Variants in PHEX observed in about 807,000 individuals in gnomAD.
The protein encoded by PHEX is phosphate-regulating neutral endopeptidase PHEX.
A neutral mutation model predicts 68.0 loss-of-function variants in PHEX; 16 were observed. The ratio of observed to expected loss-of-function variants is 0.24; its 90% CI spans 0.16 to 0.36. The LOEUF (loss-of-function observed/expected upper bound fraction) is 0.36, where lower values mean the gene tolerates loss of function less well. PHEX is among the 10% of genes least tolerant of loss of function. PHEX has a pLI of 1.00. For missense variants in PHEX, 480 were observed against 575.5 expected (o/e 0.83, Z 1.70); for synonymous variants, 208 against 205.1 (o/e 1.01, Z -0.12).
chrX:22,216,516 T>C (rs1362785962), intron 16 of PHEX, among the ~76,000 whole-genome samples: 1 of 107,901 alleles, frequency 9.3e-6, no homozygotes, highest in East Asian at 2.9e-4. Flanking sequence ...TATTTATTTA[T>C]TTATTTATTT....
chrX:22,101,493 T>C (rs909858934), intron 9 of PHEX, among the ~76,000 whole-genome samples: 3 of 112,086 alleles, frequency 2.7e-5, no homozygotes, highest in Non-Finnish European at 5.6e-5. Flanking sequence ...ACTCATTGGC[T>C]AAATTGTACC....
chrX:22,093,128 T>C (rs1173415244), intron 6 of PHEX, among the ~76,000 whole-genome samples: 1 of 112,281 alleles, frequency 8.9e-6, no homozygotes, highest in Non-Finnish European at 1.9e-5. Flanking sequence ...AAGTACTGTA[T>C]AGGTCCTAAG....
chrX:22,085,985 T>A (rs184188848), intron 5 of PHEX, among the ~76,000 whole-genome samples: 2 of 111,920 alleles, frequency 1.8e-5, no homozygotes, highest in Admixed American at 9.5e-5. Flanking sequence ...CAGTGTTGGG[T>A]GCATAGGTAT....
chrX:22,074,869 C>T (rs1040106831), intron 3 of PHEX, among the ~76,000 whole-genome samples: 3 of 110,923 alleles, frequency 2.7e-5, no homozygotes, highest in African/African-American at 6.6e-5. Flanking sequence ...TGAGGTCAGG[C>T]GTTTGAGACC....
chrX:22,091,674 A>G (rs1929889783), intron 6 of PHEX, among the ~76,000 whole-genome samples: 1 of 111,313 alleles, frequency 9.0e-6, no homozygotes, highest in Non-Finnish European at 1.9e-5. Flanking sequence ...CATCTTTCCT[A>G]TCTCATCTGG....
intron 5 of PHEX, among the ~76,000 whole-genome samples, 173 bp from the exon 6 acceptor site, chrX:22,090,256 T>C (rs960893132): frequency 8.9e-6 from 1 of 112,670 alleles, no homozygotes; most frequent in Admixed American, 9.4e-5. Context: ...TTATTATATC[T>C]GTCATTGCCA....
rs190096561 is a variant in PHEX, at chrX:22,209,786, T to C, written c.1646-3118T>C. Among the ~76,000 whole-genome samples the C allele has an allele frequency of 5.0e-3, 417 of 83,565 alleles. 2 individuals carry two copies. Among genetic ancestry groups the C allele is most frequent in the African/African-American group, 0.02 (401 of 20,430 alleles). The allele number at this position is 83,565 out of a possible 115,157, so 72.6% of individuals were successfully genotyped here. On this transcript the variant is annotated intron_variant, in intron 15 of 21. Coordinates refer to ENST00000379374, the MANE Select transcript of PHEX (RefSeq NM_000444.6). ...TCCTCCCTCTCCTCCCTCTCCTCCC[T>C]CTCTCTCTCCCTCTCCCTCTCCCTC... is the stretch of plus-strand genomic sequence containing the variant.
intron 9 of PHEX, among the ~76,000 whole-genome samples, chrX:22,102,639 A>C (rs1331284170): frequency 8.9e-6 from 1 of 112,402 alleles, no homozygotes; most frequent in Non-Finnish European, 1.9e-5. Context: ...GGAACCCCAA[A>C]GGATAAAGAG....
intron 12 of PHEX, among the ~76,000 whole-genome samples, chrX:22,143,039 G>A (rs774773625): frequency 4.5e-5 from 5 of 112,318 alleles, no homozygotes; most frequent in Non-Finnish European, 9.4e-5. Context: ...AGCACAAATC[G>A]TGTTGCTTCT....
chrX:22,077,780 C>T (rs759053020), intron 5 of PHEX, 78 bp downstream of exon 5: 12 of 680,360 alleles, frequency 1.8e-5, no homozygotes, highest in South Asian at 1.3e-4. Context: ...GAAAGAGACT[C>T]ATGCTGCCTT....
intron 12 of PHEX, 129 bp from the exon 13 acceptor site, chrX:22,168,183 C>T (rs995798359): frequency 1.8e-6 from 1 of 542,640 alleles, no homozygotes; most frequent in Non-Finnish European, 3.3e-6. Context: ...TTGCCCTTCA[C>T]AGTGGCTTGC....
chrX:22,100,069 G>C (rs893730583), intron 9 of PHEX, among the ~76,000 whole-genome samples: 6 of 112,526 alleles, frequency 5.3e-5, no homozygotes, highest in Admixed American at 9.4e-5. Flanking sequence ...AAAAAGGAGA[G>C]AAGAAACAAT....
intron 12 of PHEX, among the ~76,000 whole-genome samples, chrX:22,154,080 A>G (rs1932902012): frequency 9.0e-6 from 1 of 111,636 alleles, no homozygotes; most frequent in Non-Finnish European, 1.9e-5. Flanking sequence ...AATTGCAAGT[A>G]CCTGAGGCAC....
chrX:22,134,575 A>C (rs891132587), intron 12 of PHEX, among the ~76,000 whole-genome samples: 10 of 112,690 alleles, frequency 8.9e-5, no homozygotes, highest in African/African-American at 2.9e-4. Flanking sequence ...CCTGGGTGAC[A>C]GAGCGAGACT....
intron 3 of PHEX, among the ~76,000 whole-genome samples, chrX:22,064,565 C>T (rs779079120): frequency 2.2e-4 from 25 of 111,945 alleles, no homozygotes; most frequent in African/African-American, 8.1e-4. Context: ...AGGCGATGCC[C>T]ATGCTGCTGG....
chrX:22,204,877 A>G (rs113736672), intron 15 of PHEX, among the ~76,000 whole-genome samples: 329 of 111,757 alleles, frequency 2.9e-3, no homozygotes, highest in African/African-American at 0.01. Context: ...GGACTGATAC[A>G]TAGAGTAGTT....
chrX:22,241,008 T>C lies in PHEX; in HGVS notation c.2071-4325T>C, dbSNP rs140001925. Among the ~76,000 whole-genome samples, 914 of 111,892 alleles carry C rather than the reference T, an allele frequency of 8.2e-3. 8 individuals carry two copies. Among genetic ancestry groups the C allele is most frequent in the African/African-American group, 0.028 (863 of 30,701 alleles). On this transcript the variant is annotated intron_variant, in intron 20 of 21. Coordinates refer to ENST00000379374, the MANE Select transcript of PHEX (RefSeq NM_000444.6). ...GCACCACATCACACTTATTCCAAAA[T>C]TGACCACATAGTTGGAGGTAAAACA...
chrX:22,094,987 C>A (rs1195531606), intron 7 of PHEX, among the ~76,000 whole-genome samples: 2 of 111,754 alleles, frequency 1.8e-5, no homozygotes, highest in African/African-American at 6.5e-5. Flanking sequence ...GAAAGTTTTG[C>A]GTATGTGTTG....
intron 18 of PHEX, among the ~76,000 whole-genome samples, chrX:22,222,233 T>C (rs190855175): frequency 8.8e-4 from 98 of 111,652 alleles, no homozygotes; most frequent in African/African-American, 3.1e-3. Context: ...TTTTTAAATA[T>C]CTACAACTGT....
Sources: allele counts gnomAD v4.1 joint callset (sites outside exome capture counted in the v4.1 genomes callset), GRCh38; gene constraint gnomAD v4.1.1; transcripts MANE v1.5; gene names NCBI Gene and HGNC (gene_info 2026-07-23, HGNC 2026-07-21).